Variants in SLX4IP observed in about 807,000 individuals in gnomAD.
SLX4IP encodes protein SLX4IP.
In SLX4IP, 34 loss-of-function variants were observed where a neutral mutation model predicts 32.9. That is an observed-to-expected ratio of 1.03 (90% confidence interval 0.79 to 1.38). SLX4IP has a LOEUF of 1.38. Among genes scored for constraint, SLX4IP ranks in the 40% most tolerant of loss-of-function variants. The probability of loss-of-function intolerance (pLI) is 0.00; values close to 1 mark genes in which losing one functional copy is unlikely to be tolerated. For synonymous variants in SLX4IP, 172 were observed against 171.7 expected (o/e 1.00, Z -0.01); for missense variants, 444 against 479.0 (o/e 0.93, Z 0.68).
intron 2 of SLX4IP, among the ~76,000 whole-genome samples, chr20:10,490,108 G>A (rs1446890555): frequency 1.3e-5 from 2 of 151,794 alleles, no homozygotes; most frequent in Admixed American, 1.3e-4. Flanking sequence ...ACCATGAAAG[G>A]CCTTAAAAAA....
At chr20:10,503,513 T>G (rs2065735918) in intron 2 of SLX4IP, among the ~76,000 whole-genome samples, 1 of 152,230 alleles carries the variant, frequency 6.6e-6, no homozygotes, top group Admixed American at 6.5e-5. Flanking sequence ...CCCTATGCTT[T>G]TGCAAGCAGC....
At chr20:10,584,009 G>C (rs1351537933) in intron 4 of SLX4IP, among the ~76,000 whole-genome samples, 1 of 152,064 alleles carries the variant, frequency 6.6e-6, no homozygotes. Context: ...AATTAAGATG[G>C]TAAGTTATTG....
At chr20:10,538,075 A>G (rs79302672) in intron 2 of SLX4IP, among the ~76,000 whole-genome samples, 2,053 of 152,290 alleles carry the variant, frequency 0.013, 51 homozygotes, top group African/African-American at 0.047. Context: ...GAAAGCAGTC[A>G]TTGACAACTT....
intron 6 of SLX4IP, among the ~76,000 whole-genome samples, chr20:10,609,143 CA>C (rs1198569117): frequency 6.6e-6 from 1 of 152,098 alleles, no homozygotes; most frequent in Non-Finnish European, 1.5e-5. Flanking sequence ...CAGTAGCTGC[CA>C]GCAGACTCAC....
chr20:10,545,724 A>G (rs1234973141), intron 2 of SLX4IP, among the ~76,000 whole-genome samples: 2 of 152,206 alleles, frequency 1.3e-5, no homozygotes, highest in Non-Finnish European at 1.5e-5. Context: ...AGAATCCCCA[A>G]AGTATTTATC....
Position 10,622,965 on chromosome 20 carries a change from C to A in SLX4IP, c.813C>A (p.Ser271Arg), listed in dbSNP as rs547364003. 1.2e-6 allele frequency: 2 copies of A among 1,614,024 alleles called. No homozygotes were observed. Among genetic ancestry groups the A allele is most frequent in the Non-Finnish European group, 1.7e-6 (2 of 1,180,032 alleles). ...ERLKTGLLSR[S>R]PVCSCESASP... ...TAAAGACAGGGCTTCTAAGCAGGAG[C>A]CCCGTCTGTAGCTGTGAGTCAGCAT... is the stretch of plus-strand genomic sequence containing the variant. Residue 271 changes from serine to arginine, a missense_variant, in exon 8 of 8, where the codon AGC becomes AGA. Transcript: ENST00000334534.
intron 4 of SLX4IP, among the ~76,000 whole-genome samples, chr20:10,580,487 G>A (rs1234870252): frequency 7.2e-6 from 1 of 138,676 alleles, no homozygotes; most frequent in Non-Finnish European, 1.5e-5. Context: ...CCTTTGTTAA[G>A]TTAGACTTAC....
chr20:10,444,665 C>T (rs972524373), intron 1 of SLX4IP, among the ~76,000 whole-genome samples: 1 of 152,090 alleles, frequency 6.6e-6, no homozygotes, highest in Admixed American at 6.6e-5. Context: ...CATGAGCCAC[C>T]GCGCCTGGCC....
At chr20:10,515,304 C>G (rs1405889459) in intron 2 of SLX4IP, among the ~76,000 whole-genome samples, 1 of 151,998 alleles carries the variant, frequency 6.6e-6, no homozygotes, top group African/African-American at 2.4e-5. Context: ...AGGCTGTTCT[C>G]GAACTCCTGA....
chr20:10,584,650 T>C (rs2066624519), intron 4 of SLX4IP, among the ~76,000 whole-genome samples: 1 of 152,148 alleles, frequency 6.6e-6, no homozygotes, highest in South Asian at 2.1e-4. Flanking sequence ...ATCTGTATGG[T>C]TGGAAAAGAC....
At chr20:10,613,931 G>A (rs2066996824) in intron 6 of SLX4IP, 2 of 1,260,814 alleles carry the variant, frequency 1.6e-6, no homozygotes, top group East Asian at 2.3e-5. Flanking sequence ...ACGCCTCCCA[G>A]TCTTGATCTT....
intron 4 of SLX4IP, among the ~76,000 whole-genome samples, chr20:10,585,330 A>G (rs916268085): frequency 4.6e-5 from 7 of 152,152 alleles, no homozygotes; most frequent in African/African-American, 1.7e-4. Context: ...AGACTTCACT[A>G]TGGTGGCTGG....
At chr20:10,460,855 G>A (rs941579859) in intron 2 of SLX4IP, among the ~76,000 whole-genome samples, 1 of 152,094 alleles carries the variant, frequency 6.6e-6, no homozygotes, top group African/African-American at 2.4e-5. Context: ...TTGGTTATCT[G>A]TCTTTCTTCT....
chr20:10,527,899 T>A (rs1307324290), intron 2 of SLX4IP, among the ~76,000 whole-genome samples: 1 of 152,192 alleles, frequency 6.6e-6, no homozygotes, highest in East Asian at 1.9e-4. Context: ...CCATCCTGCT[T>A]TTTCATTTGG....
At chr20:10,598,214 T>C (rs1050030015) in intron 4 of SLX4IP, among the ~76,000 whole-genome samples, 4 of 152,168 alleles carry the variant, frequency 2.6e-5, no homozygotes, top group African/African-American at 9.7e-5. Flanking sequence ...AAGATAGTAA[T>C]GTTCACCCTT....
At chr20:10,473,142 C>T (rs2065439963) in intron 2 of SLX4IP, among the ~76,000 whole-genome samples, 1 of 152,216 alleles carries the variant, frequency 6.6e-6, no homozygotes, top group Admixed American at 6.5e-5. Context: ...AGCTGTGGGG[C>T]ATGGCCAGCA....
intron 2 of SLX4IP, among the ~76,000 whole-genome samples, chr20:10,518,400 T>TTTCTTTCCTTCCTTCCTTCCTTCCC (rs2065869137): frequency 1.8e-5 from 2 of 108,596 alleles, no homozygotes; most frequent in South Asian, 4.0e-4. Context: ...CCTTTCTTTC[T>TTTCTTTCCTTCCTTCCTTCCTTCCC]TTCTTTCCTT....
chr20:10,600,629 T>C (rs2066830263), intron 5 of SLX4IP, among the ~76,000 whole-genome samples: 2 of 152,164 alleles, frequency 1.3e-5, no homozygotes, highest in Non-Finnish European at 2.9e-5. Flanking sequence ...TGACACCTTC[T>C]TGCTTGGCTT....
At chr20:10,478,921 G>A (rs2065496847) in intron 2 of SLX4IP, among the ~76,000 whole-genome samples, 1 of 152,226 alleles carries the variant, frequency 6.6e-6, no homozygotes, top group African/African-American at 2.4e-5. Context: ...TATGCAAAGA[G>A]GGAAGGTGAA....
Sources: gnomAD v4.1 joint callset for allele counts (sites outside exome capture counted in the v4.1 genomes callset) on GRCh38, gnomAD v4.1.1 for gene constraint, MANE v1.5 for transcripts, NCBI Gene and HGNC (gene_info 2026-07-23, HGNC 2026-07-21) for gene names.